Variants in FAM124A observed in about 807,000 individuals in gnomAD.
The protein encoded by FAM124A is family with sequence similarity 124 member A.
FAM124A carries 23 observed loss-of-function variants against 24.5 expected under a neutral mutation model. The ratio of observed to expected loss-of-function variants is 0.94; its 90% CI spans 0.68 to 1.33. FAM124A has a LOEUF of 1.33. Ranked by LOEUF, FAM124A falls within the 40% of genes most tolerant of loss-of-function variation. FAM124A has a pLI of 0.00. For missense variants in FAM124A, 623 were observed against 722.8 expected (o/e 0.86, Z 1.58); for synonymous variants, 287 against 314.7 (o/e 0.91, Z 0.93).
intron 1 of FAM124A, among the ~76,000 whole-genome samples, chr13:51,225,567 G>A (rs1429992573): frequency 6.6e-6 from 1 of 152,206 alleles, no homozygotes; most frequent in Non-Finnish European, 1.5e-5. Context: ...AAAGAAAGAA[G>A]AATATGAATC....
At chr13:51,253,142 C>T (rs1954642173) in intron 3 of FAM124A, 1 of 152,216 alleles carries the variant, frequency 6.6e-6, no homozygotes, top group South Asian at 2.1e-4. Context: ...TCACACTTGG[C>T]TACCCGAAAA....
intron 2 of FAM124A, among the ~76,000 whole-genome samples, chr13:51,239,953 A>G (rs1287125930): frequency 6.6e-6 from 1 of 152,204 alleles, no homozygotes; most frequent in African/African-American, 2.4e-5. Context: ...TGCTGCCCTC[A>G]CTGGAAGTGT....
At chr13:51,225,238 A>G (rs953685505) in intron 1 of FAM124A, 1 of 152,224 alleles carries the variant, frequency 6.6e-6, no homozygotes, top group African/African-American at 2.4e-5. Flanking sequence ...ATGATGAATC[A>G]GCAGTTGGGT....
intron 3 of FAM124A, among the ~76,000 whole-genome samples, chr13:51,275,672 A>T (rs1476417012): frequency 6.6e-6 from 1 of 152,246 alleles, no homozygotes; most frequent in African/African-American, 2.4e-5. Flanking sequence ...TAACAACATG[A>T]TGAAATGCCA....
Position 51,228,525 on chromosome 13 carries a change from A to T in FAM124A, c.69-2823A>T, listed in dbSNP as rs1017043294. ...TCATTCTGGCAGGGCTGAATGTCTT[A>T]TGCATAGCCAGCTAACTAAATTCTT... On this transcript the variant is annotated intron_variant, in intron 1 of 3. Coordinates refer to ENST00000322475, the MANE Select transcript of FAM124A (RefSeq NM_001242312.2). Among the ~76,000 whole-genome samples the T allele has an allele frequency of 3.3e-5, 5 of 152,162 alleles. No individual in the cohort carries two copies. The South Asian group carries it at 1.0e-3, about 32-fold the overall frequency.
chr13:51,225,284 A>T (rs1954304688), intron 1 of FAM124A: 1 of 152,202 alleles, frequency 6.6e-6, no homozygotes, highest in Non-Finnish European at 1.5e-5. Context: ...GGTCTTCATG[A>T]TGACATTGCA....
chr13:51,252,373 G>T, intron 3 of FAM124A, 172 bp downstream of exon 3: 1 of 845,854 alleles, frequency 1.2e-6, no homozygotes, highest in Non-Finnish European at 1.8e-6. Context: ...CAACAAAAGA[G>T]GGGGCAAGAA....
chr13:51,259,958 G>C (rs769170272), intron 3 of FAM124A, among the ~76,000 whole-genome samples: 4 of 152,154 alleles, frequency 2.6e-5, no homozygotes, highest in Non-Finnish European at 4.4e-5. Flanking sequence ...TGAGGGAGCA[G>C]TGGAGAGCCT....
chr13:51,256,202 G>T (rs144436516), intron 3 of FAM124A, among the ~76,000 whole-genome samples: 278 of 152,326 alleles, frequency 1.8e-3, no homozygotes, highest in African/African-American at 6.5e-3. Flanking sequence ...AGGACCCAAA[G>T]CTCAATTCCA....
chr13:51,280,795 GAGTGGA>G lies in FAM124A; in HGVS notation c.1181_1186del (p.Glu394_Arg396delinsGly), dbSNP rs781035748. ...AGGTGCCCCAGGGCACAGGGCATCAGAGTGGAGGCATGGCCACCTCCTCTCCATCGA... is the reference window on the plus strand; with the variant it reads ...AGGTGCCCCAGGGCACAGGGCATCAGGGCATGGCCACCTCCTCTCCATCGA... On this transcript the variant is annotated inframe_deletion, in exon 4 of 4. Transcript: ENST00000322475. 6.2e-6 allele frequency: 10 copies of G among 1,614,096 alleles called. No individual in the cohort carries two copies. The East Asian group carries it at 2.2e-4, about 36-fold the overall frequency.
intron 1 of FAM124A, 44 bp from the exon 2 acceptor site, chr13:51,231,292 CTTGAATAAATCA>C: frequency 6.2e-7 from 1 of 1,605,568 alleles, no homozygotes; most frequent in South Asian, 1.1e-5. Flanking sequence ...AAAATTCTGG[CTTGAATAAATCA>C]TTTGGATAAA....
At chr13:51,265,633 T>C (rs890016749) in intron 3 of FAM124A, among the ~76,000 whole-genome samples, 3 of 152,196 alleles carry the variant, frequency 2.0e-5, no homozygotes, top group African/African-American at 7.2e-5. Flanking sequence ...TCCTGGCACA[T>C]GGTAAGGACT....
At chr13:51,245,375 A>G (rs1954546868) in intron 2 of FAM124A, 1 of 695,440 alleles carries the variant, frequency 1.4e-6, no homozygotes, top group African/African-American at 1.8e-5. Flanking sequence ...GGTGACAAAG[A>G]AAAGGGAAGA....
Position 51,284,196 on chromosome 13 carries a change from G to A in FAM124A, c.*2940G>A, listed in dbSNP as rs1954967712. On this transcript the variant is annotated 3_prime_UTR_variant, in exon 4 of 4. Transcript: ENST00000322475. ...TTGGAGTATTATCCTTGTAAAAGAT[G>A]CTGGCACATTGTAGGTGCTCAATAA... 6.6e-6 allele frequency: 1 copy of A among 152,224 alleles called. No homozygotes were observed. Among genetic ancestry groups the A allele is most frequent in the East Asian group, 1.9e-4 (1 of 5,206 alleles). 9.4% of individuals were successfully genotyped at this position (152,224 alleles called of 1,614,324 possible).
intron 3 of FAM124A, among the ~76,000 whole-genome samples, chr13:51,276,170 G>A (rs889450816): frequency 1.3e-5 from 2 of 152,190 alleles, no homozygotes; most frequent in African/African-American, 4.8e-5. Context: ...AGCTTGTTCA[G>A]GTTTGACTTT....
rs949265563 is a variant in FAM124A at position 51,272,682 on chromosome 13, C to T, written c.835-7768C>T. ...TGGAAAGATGGACCAGGGACCTAGACCACAGGACACCAAGCACAGTCAAGG... is the reference window on the plus strand; with the variant it reads ...TGGAAAGATGGACCAGGGACCTAGATCACAGGACACCAAGCACAGTCAAGG... On this transcript the variant is annotated intron_variant, in intron 3 of 3. Coordinates refer to ENST00000322475, the MANE Select transcript of FAM124A (RefSeq NM_001242312.2). The surrounding 1 kb of genome is among the most constrained non-coding windows in gnomAD (Gnocchi z 4.2). Among the ~76,000 whole-genome samples, 2 of 152,144 alleles carry T rather than the reference C, an allele frequency of 1.3e-5. No homozygotes were observed. The highest frequency in any genetic ancestry group is 2.4e-5 in the African/African-American group (1 of 41,424).
At chr13:51,275,154 C>A (rs1371130575) in intron 3 of FAM124A, among the ~76,000 whole-genome samples, 1 of 151,636 alleles carries the variant, frequency 6.6e-6, no homozygotes, top group Non-Finnish European at 1.5e-5. Flanking sequence ...AGGAGGATCA[C>A]CTGAGGCCAG....
chr13:51,267,872 C>T (rs1441157090), intron 3 of FAM124A, among the ~76,000 whole-genome samples: 2 of 152,186 alleles, frequency 1.3e-5, no homozygotes, highest in African/African-American at 4.8e-5. Context: ...AACCCAGTCC[C>T]GCCTCCCTAG....
rs3045985 is a variant in FAM124A at position 51,283,767 on chromosome 13, CAAAAAAAAAAAAAAAA to C, written c.*2524_*2539del. 2 of 34,698 alleles carry C rather than the reference CAAAAAAAAAAAAAAAA, an allele frequency of 5.8e-5. No individual in the cohort carries two copies. Among genetic ancestry groups the C allele is most frequent in the Admixed American group, 5.0e-4 (1 of 2,014 alleles). 2.1% of individuals were successfully genotyped at this position (34,698 alleles called of 1,614,324 possible). A position where few individuals can be genotyped will look rare whatever the true frequency, so the allele number is the denominator to read the frequency against. On this transcript the variant is annotated 3_prime_UTR_variant, in exon 4 of 4. Transcript: ENST00000322475. ...TCATCAGTAACAAAAGTCAGTGAGG[CAAAAAAAAAAAAAAAA>C]AAAAAAAAAAAAGGCTAATGGCCGA...
Sources: gnomAD v4.1 joint callset for allele counts (sites outside exome capture counted in the v4.1 genomes callset) on GRCh38, gnomAD v4.1.1 for gene constraint, Gnocchi (gnomAD v3.1) non-coding constraint, MANE v1.5 for transcripts, NCBI Gene and HGNC (gene_info 2026-07-23, HGNC 2026-07-21) for gene names.